SHC2: variants seen among roughly 807,000 people sequenced by gnomAD.
SHC2 encodes SHC adaptor protein 2.
A neutral mutation model predicts 60.6 loss-of-function variants in SHC2; 62 were observed. The observed-to-expected ratio is 1.02, with a 90% confidence interval of 0.83 to 1.26. SHC2 has a LOEUF of 1.26. Among genes scored for constraint, SHC2 ranks in the 50% most tolerant of loss-of-function variants. The pLI, the probability that SHC2 is intolerant of heterozygous loss-of-function variation, is 0.00. For synonymous variants in SHC2, 375 were observed against 372.4 expected, an observed-to-expected ratio of 1.01 and a Z score of -0.08; for missense variants, 873 against 822.2, an observed-to-expected ratio of 1.06 and a Z score of -0.76.
chr19:422,596 T>C lies in SHC2; in HGVS notation c.1310-140A>G. On this transcript the variant is annotated intron_variant, in intron 10 of 12. Transcript: ENST00000264554. This position sits in a 1 kb window ranked among gnomAD's most constrained non-coding sequence, Gnocchi z 5.0. ...GCGCTGACCGAGCGCCCACAGCGTA[T>C]CAGACTCGCACTCTGCCCAGCCCCG... 4.4e-6 allele frequency: 3 copies of C among 674,294 alleles called. No individual in the cohort carries two copies. The highest frequency in any genetic ancestry group is 7.4e-6 in the Non-Finnish European group (3 of 404,122). 41.8% of individuals were successfully genotyped at this position (674,294 alleles called of 1,614,324 possible).
intron 9 of SHC2, among the ~76,000 whole-genome samples, chr19:430,379 T>C (rs1039003030): frequency 5.3e-5 from 8 of 151,316 alleles, no homozygotes; most frequent in Non-Finnish European, 2.9e-5. Context: ...ACGCAGTACC[T>C]ATATCCAACA....
chr19:425,902 G>A lies in SHC2; in HGVS notation c.1175-671C>T, dbSNP rs1017678441. 2.0e-5 allele frequency among the ~76,000 whole-genome samples: 3 copies of A among 151,922 alleles called. No homozygotes were observed. Among genetic ancestry groups the A allele is most frequent in the Non-Finnish European group, 2.9e-5 (2 of 67,998 alleles). On this transcript the variant is annotated intron_variant, in intron 9 of 12. Coordinates refer to ENST00000264554, the MANE Select transcript of SHC2 (RefSeq NM_012435.3). This position sits in a 1 kb window ranked among gnomAD's most constrained non-coding sequence, Gnocchi z 4.1. Reference sequence around the variant, plus strand: ...AAATTAGCTAGGCGTGGTGGTGGGCGCCTGCAATCCCAGCTATTTGGGAGG... The same window carrying A: ...AAATTAGCTAGGCGTGGTGGTGGGCACCTGCAATCCCAGCTATTTGGGAGG...
In SHC2 at chr19:441,943, G is replaced by A. The variant is rs528405925; in HGVS notation, c.469-1011C>T. Among the ~76,000 whole-genome samples the A allele has an allele frequency of 1.3e-5, 2 of 152,374 alleles. No homozygotes were observed. Among genetic ancestry groups the A allele is most frequent in the African/African-American group, 4.8e-5 (2 of 41,590 alleles). ...GCTTCTGAGGTGTGTACAGGTCACT[G>A]TGTGGGCCGGCCCAGGCTCTGCCCC... On this transcript the variant is annotated intron_variant, in intron 1 of 12. Transcript: ENST00000264554. The surrounding 1 kb of genome is among the most constrained non-coding windows in gnomAD (Gnocchi z 4.9).
At chr19:455,675 G>A (rs192330534) in intron 1 of SHC2, among the ~76,000 whole-genome samples, 49 of 152,306 alleles carry the variant, frequency 3.2e-4, no homozygotes, top group Admixed American at 1.6e-3. Flanking sequence ...GAGCTAATCC[G>A]CTTATGTCTA....
chr19:457,963 G>A (rs577395318), intron 1 of SHC2, among the ~76,000 whole-genome samples: 120 of 137,994 alleles, frequency 8.7e-4, no homozygotes, highest in Middle Eastern at 3.7e-3. Flanking sequence ...CCGGGGAGGC[G>A]GAAGCGGGTC....
chr19:431,146 C>A (rs766221059), intron 8 of SHC2, among the ~76,000 whole-genome samples: 1 of 152,280 alleles, frequency 6.6e-6, no homozygotes, highest in African/African-American at 2.4e-5. Flanking sequence ...TCCTCACTGC[C>A]TCTCTGGTGG....
At position 424,566 on chromosome 19, in the gene SHC2, G is replaced by C. The variant is rs545094737; in HGVS notation, c.1309+531C>G. ...CAGACTAAGGAGTCCCATGGGGCGA[G>C]GGTCTGGCTTCCCCTGTTGACTGGA... On this transcript the variant is annotated intron_variant, in intron 10 of 12. Transcript: ENST00000264554. This position sits in a 1 kb window ranked among gnomAD's most constrained non-coding sequence, Gnocchi z 4.5. Among the ~76,000 whole-genome samples, 10 of 152,266 alleles carry C rather than the reference G, an allele frequency of 6.6e-5. No homozygotes were observed. Among genetic ancestry groups the C allele is most frequent in the Non-Finnish European group, 1.3e-4 (9 of 68,006 alleles).
At chr19:427,778 G>A (rs1429441889) in intron 9 of SHC2, among the ~76,000 whole-genome samples, 1 of 93,906 alleles carries the variant, frequency 1.1e-5, no homozygotes, top group African/African-American at 4.5e-5. Context: ...CACGGCACAG[G>A]TAAGGGGACA....
intron 1 of SHC2, among the ~76,000 whole-genome samples, chr19:450,802 C>A (rs865837083): frequency 6.6e-6 from 1 of 151,162 alleles, no homozygotes; most frequent in African/African-American, 2.4e-5. Flanking sequence ...TGGATGGCCA[C>A]GCCGTGGCCA....
intron 2 of SHC2, chr19:439,231 A>T: frequency 2.8e-6 from 1 of 363,028 alleles, no homozygotes; most frequent in Admixed American, 4.3e-5. Context: ...GGGCTGGGGA[A>T]CCTGGGGGAG....
At chr19:429,146 C>G (rs1332125861) in intron 9 of SHC2, among the ~76,000 whole-genome samples, 1 of 149,706 alleles carries the variant, frequency 6.7e-6, no homozygotes, top group African/African-American at 2.5e-5. Context: ...TGATGCAGTA[C>G]CTATATCCAA....
At position 436,436 on chromosome 19, in the gene SHC2, G is replaced by A. The variant is rs1173997816; in HGVS notation, c.775-5C>T. The A allele has an allele frequency of 5.6e-6, 9 of 1,601,740 alleles. No homozygotes were observed. The highest frequency in any genetic ancestry group is 6.0e-6 in the Non-Finnish European group (7 of 1,173,952). On this transcript the variant is annotated splice_polypyrimidine_tract_variant and splice_region_variant and intron_variant, in intron 5 of 12. Transcript: ENST00000264554. ...GGCCACGTAATCCGTCATGTCCTGG[G>A]GGCGGGGAGGGGCCAGCTGGACCTG...
Position 446,233 on chromosome 19 carries a change from T to A in SHC2, c.469-5301A>T, listed in dbSNP as rs1340692605. Among the ~76,000 whole-genome samples the A allele has an allele frequency of 6.6e-6, 1 of 152,082 alleles. No individual in the cohort carries two copies. The highest frequency in any genetic ancestry group is 2.4e-5 in the African/African-American group (1 of 41,434). On this transcript the variant is annotated intron_variant, in intron 1 of 12. Transcript: ENST00000264554. This position sits in a 1 kb window ranked among gnomAD's most constrained non-coding sequence, Gnocchi z 5.4. ...GCAGAAACCAGCCCTGCCCACACCT[T>A]GGCTCGGACGTTGGGCCCCAGAACT...
intron 1 of SHC2, among the ~76,000 whole-genome samples, chr19:456,683 TG>T (rs1975349831): frequency 6.8e-6 from 1 of 146,144 alleles, no homozygotes; most frequent in Non-Finnish European, 1.5e-5. Flanking sequence ...GCTCCCTGCG[TG>T]GGGCCTTTGC....
chr19:443,423 T>C (rs1418684663), intron 1 of SHC2, among the ~76,000 whole-genome samples: 2 of 141,802 alleles, frequency 1.4e-5, no homozygotes, highest in East Asian at 4.4e-4. Flanking sequence ...AGTGGATGGG[T>C]GGGTGGATGG....
At position 440,785 on chromosome 19, in the gene SHC2, CGCTGCCGCCCTCCAGT is replaced by C. The variant is rs201697130; in HGVS notation, c.539+61_539+76del. 4.0e-3 allele frequency: 5,255 copies of C among 1,304,544 alleles called. 125 individuals are homozygous for C. In the African/African-American group the frequency reaches 0.062, roughly 15 times the overall value. 80.8% of individuals were successfully genotyped at this position (1,304,544 alleles called of 1,614,324 possible). A position where few individuals can be genotyped will look rare whatever the true frequency, so the allele number is the denominator to read the frequency against. ...CCAGCGCGGCTGTCGGAGAGCCCAT[CGCTGCCGCCCTCCAGT>C]GCTGCCGCCCTCCAGTGCGTCACTC... On this transcript the variant is annotated intron_variant, in intron 2 of 12. Transcript: ENST00000264554. This position sits in a 1 kb window ranked among gnomAD's most constrained non-coding sequence, Gnocchi z 7.0.
Position 436,640 on chromosome 19 carries a change from C to T in SHC2, c.764G>A (p.Gly255Asp), listed in dbSNP as rs1353223689. ...CATCCCTGGCCTCACCGTGTCTCCG[C>T]CTGACGCGAAGGAGATGGACGGCAT... Reference protein sequence around the residue: ...HHMPSISFASGGDTDMTDYVA... With the variant: ...HHMPSISFASDGDTDMTDYVA... The change falls in exon 5 of 13, where the codon GGC (glycine) becomes GAC (aspartate). Residue 255 changes from glycine (G) to aspartate (D), a missense_variant. Coordinates refer to ENST00000264554, the MANE Select transcript of SHC2 (RefSeq NM_012435.3). 1 of 1,606,976 alleles carries T rather than the reference C, an allele frequency of 6.2e-7. No individual in the cohort carries two copies. The highest frequency in any genetic ancestry group is 1.3e-5 in the African/African-American group (1 of 74,884).
rs1555705784 is a variant in SHC2, at chr19:434,735, G to A, written c.1084C>T (p.Pro362Ser). 6.2e-7 allele frequency: 1 copy of A among 1,612,052 alleles called. No individual in the cohort carries two copies. Among genetic ancestry groups the A allele is most frequent in the Admixed American group, 1.7e-5 (1 of 59,962 alleles). Residue 362 changes from proline (P) to serine (S), a missense_variant, in exon 8 of 13, where the codon CCC (proline) becomes TCC (serine). Pro to Ser is a moderately conservative substitution (Grantham distance 74). Coordinates refer to ENST00000264554, the MANE Select transcript of SHC2 (RefSeq NM_012435.3). ...LVDSRLALTQ[P>S]CALTALDQGP... ...TGGTCGAGGGCCGTGAGGGCGCAGGGCTGTGTCAGGGCCAGCCTGGAGTCC... is the reference window on the plus strand; with the variant it reads ...TGGTCGAGGGCCGTGAGGGCGCAGGACTGTGTCAGGGCCAGCCTGGAGTCC...
chr19:435,500 C>G (rs1012573396), intron 7 of SHC2, among the ~76,000 whole-genome samples: 5 of 152,248 alleles, frequency 3.3e-5, no homozygotes, highest in African/African-American at 1.2e-4. Context: ...TGCCGCCTCC[C>G]TCGTGACCAG....
Sources: gnomAD v4.1 joint callset for allele counts (sites outside exome capture counted in the v4.1 genomes callset) on GRCh38, gnomAD v4.1.1 for gene constraint, Gnocchi (gnomAD v3.1) non-coding constraint, MANE v1.5 for transcripts, NCBI Gene and HGNC (gene_info 2026-07-23, HGNC 2026-07-21) for gene names.